TENM1: variants seen among roughly 807,000 people sequenced by gnomAD.
The protein encoded by TENM1 is teneurin transmembrane protein 1.
A neutral mutation model predicts 174.8 loss-of-function variants in TENM1; 35 were observed. The observed-to-expected ratio is 0.20, with a 90% CI of 0.15 to 0.27. TENM1 has a LOEUF of 0.27. Ranked by LOEUF, TENM1 falls within the 10% of genes least tolerant of loss-of-function variation. The pLI, the probability that TENM1 is intolerant of heterozygous loss-of-function variation, is 1.00. For missense variants in TENM1, 1,633 were observed against 2,130.1 expected, an observed-to-expected ratio of 0.77 and a Z score of 4.59; for synonymous variants, 781 against 798.7, an observed-to-expected ratio of 0.98 and a Z score of 0.37.
the TENM1 span, among the ~76,000 whole-genome samples, chrX:125,128,345 C>A: frequency 3.0e-4 from 34 of 111,618 alleles, 1 homozygote; most frequent in African/African-American, 1.0e-3. Flanking sequence ...TGAGCAAATA[C>A]CTTCTCTTCA....
intron 18 of TENM1, among the ~76,000 whole-genome samples, chrX:124,509,231 AC>A (rs1267548028): frequency 9.0e-6 from 1 of 111,131 alleles, no homozygotes; most frequent in Non-Finnish European, 1.9e-5. Context: ...GAAAGGGTTT[AC>A]CTTTATAGGG....
At chrX:124,803,752 A>T (rs941429250) in intron 3 of TENM1, among the ~76,000 whole-genome samples, 1 of 112,205 alleles carries the variant, frequency 8.9e-6, no homozygotes, top group Non-Finnish European at 1.9e-5. Context: ...AAATAGAAAA[A>T]TTTTTTAAAG....
At chrX:124,637,377 C>T (rs772759772) in intron 11 of TENM1, among the ~76,000 whole-genome samples, 3 of 110,819 alleles carry the variant, frequency 2.7e-5, no homozygotes, top group Admixed American at 1.9e-4. Flanking sequence ...TGTGAGCCAC[C>T]GCGCCTGGCC....
chrX:124,659,988 C>CA (rs1197498810), intron 6 of TENM1, among the ~76,000 whole-genome samples: 1 of 111,729 alleles, frequency 9.0e-6, no homozygotes, highest in Non-Finnish European at 1.9e-5. Flanking sequence ...CAAAATGGAT[C>CA]AAATGCCTAC....
chrX:124,905,084 G>A (rs953675221), intron 1 of TENM1, among the ~76,000 whole-genome samples: 16 of 110,835 alleles, frequency 1.4e-4, no homozygotes, highest in African/African-American at 4.9e-4. Flanking sequence ...CACCACTTTG[G>A]GAAGCCAAGG....
chrX:125,153,997 T>C, the TENM1 span, among the ~76,000 whole-genome samples: 1 of 112,510 alleles, frequency 8.9e-6, no homozygotes, highest in Non-Finnish European at 1.9e-5. Context: ...TTAGTATTCT[T>C]AAGACACTGT....
At chrX:125,166,397 T>G in the TENM1 span, among the ~76,000 whole-genome samples, 1 of 110,927 alleles carries the variant, frequency 9.0e-6, no homozygotes, top group East Asian at 2.9e-4. Context: ...GAAAATAGAG[T>G]CCTGGAGAGG....
chrX:125,126,668 A>G, the TENM1 span, among the ~76,000 whole-genome samples: 2 of 110,695 alleles, frequency 1.8e-5, no homozygotes, highest in African/African-American at 6.6e-5. Flanking sequence ...TTCCATTACC[A>G]TGGTTGTAAT....
At chrX:125,181,017 C>T in the TENM1 span, among the ~76,000 whole-genome samples, 1 of 111,854 alleles carries the variant, frequency 8.9e-6, no homozygotes, top group East Asian at 2.8e-4. Context: ...CTCATTCCCC[C>T]CTACCAGATG....
At chrX:124,724,111 T>C (rs1163217287) in intron 4 of TENM1, among the ~76,000 whole-genome samples, 2 of 112,268 alleles carry the variant, frequency 1.8e-5, no homozygotes, top group Non-Finnish European at 3.8e-5. Flanking sequence ...TTCAACTTTT[T>C]TTGATACTGA....
intron 23 of TENM1, among the ~76,000 whole-genome samples, chrX:124,452,038 A>G (rs374177314): frequency 2.1e-3 from 225 of 106,165 alleles, no homozygotes; most frequent in African/African-American, 6.9e-3. Flanking sequence ...TAATTAAACT[A>G]AAGAGCTTCT....
the TENM1 span, among the ~76,000 whole-genome samples, chrX:125,199,955 G>A: frequency 4.5e-5 from 5 of 111,099 alleles, no homozygotes; most frequent in Non-Finnish European, 7.6e-5. Context: ...ACCACAGCAC[G>A]TCTAGCAAAC....
At chrX:124,593,095 G>A (rs1372429638) in intron 11 of TENM1, among the ~76,000 whole-genome samples, 1 of 111,668 alleles carries the variant, frequency 9.0e-6, no homozygotes, top group African/African-American at 3.3e-5. Flanking sequence ...GATGAATGGG[G>A]CCAGACTAGG....
chrX:125,119,791 A>G, the TENM1 span, among the ~76,000 whole-genome samples: 1 of 111,368 alleles, frequency 9.0e-6, no homozygotes, highest in Non-Finnish European at 1.9e-5. Flanking sequence ...ATCCTATTTT[A>G]TAAGCTACAA....
At chrX:124,388,524 C>A (rs895409052) in intron 28 of TENM1, among the ~76,000 whole-genome samples, 1 of 112,432 alleles carries the variant, frequency 8.9e-6, no homozygotes, top group Non-Finnish European at 1.9e-5. Context: ...TCAGTTTGCT[C>A]AAAAACAGTG....
intron 5 of TENM1, among the ~76,000 whole-genome samples, chrX:124,678,360 T>C (rs2052145978): frequency 9.0e-6 from 1 of 111,357 alleles, no homozygotes; most frequent in Admixed American, 9.6e-5. Flanking sequence ...TTTAAATGCA[T>C]AGAAAGAGAC....
chrX:124,465,166 A>G (rs1253113376), intron 22 of TENM1, among the ~76,000 whole-genome samples: 1 of 112,505 alleles, frequency 8.9e-6, no homozygotes, highest in Non-Finnish European at 1.9e-5. Flanking sequence ...GGATGACTGT[A>G]AAGACCATAT....
chrX:124,586,650 C>T (rs1441516283), intron 11 of TENM1, among the ~76,000 whole-genome samples: 1 of 107,670 alleles, frequency 9.3e-6, no homozygotes, highest in Non-Finnish European at 1.9e-5. Flanking sequence ...CCCTCTCTCA[C>T]CACTCCTATT....
the TENM1 span, among the ~76,000 whole-genome samples, chrX:125,041,472 C>T: frequency 9.0e-6 from 1 of 111,311 alleles, no homozygotes; most frequent in African/African-American, 3.3e-5. Flanking sequence ...CATCTATTTT[C>T]CTCATTGAAC....
Sources: allele counts gnomAD v4.1 joint callset (sites outside exome capture counted in the v4.1 genomes callset), GRCh38; gene constraint gnomAD v4.1.1; transcripts MANE v1.5; gene names NCBI Gene and HGNC (gene_info 2026-07-23, HGNC 2026-07-21).